JAZF1: variants seen among roughly 807,000 people sequenced by gnomAD.
JAZF1 encodes the protein juxtaposed with another zinc finger protein 1.
In JAZF1, 8 loss-of-function variants were observed where a neutral mutation model predicts 26.4. The ratio of observed to expected loss-of-function variants is 0.30; its 90% CI spans 0.18 to 0.55. The LOEUF (loss-of-function observed/expected upper bound fraction) is 0.55, where lower values mean the gene tolerates loss of function less well. Among genes scored for constraint, JAZF1 ranks in the 20% least tolerant of loss-of-function variants. JAZF1 has a pLI of 0.94. For synonymous variants in JAZF1, 126 were observed against 122.3 expected (o/e 1.03, Z -0.20); for missense variants, 199 against 322.0 (o/e 0.62, Z 2.92).
At chr7:28,017,965 G>A (rs190371230) in intron 1 of JAZF1, among the ~76,000 whole-genome samples, 88 of 152,304 alleles carry the variant, frequency 5.8e-4, no homozygotes, top group African/African-American at 2.1e-3. Flanking sequence ...AGTAGAGACA[G>A]GGTTTCACCA....
intron 1 of JAZF1, among the ~76,000 whole-genome samples, chr7:28,088,056 CT>C (rs1406213272): frequency 1.3e-5 from 2 of 152,254 alleles, no homozygotes; most frequent in Admixed American, 6.5e-5. Context: ...CCTTGCCCCC[CT>C]CATACAGATT....
At chr7:28,003,139 C>T (rs1056672631) in intron 1 of JAZF1, among the ~76,000 whole-genome samples, 2 of 151,884 alleles carry the variant, frequency 1.3e-5, no homozygotes, top group African/African-American at 2.4e-5. Flanking sequence ...ACAAAACAAC[C>T]GGAATTCTGG....
intron 2 of JAZF1, among the ~76,000 whole-genome samples, chr7:27,940,708 C>G (rs1243866659): frequency 6.6e-6 from 1 of 152,148 alleles, no homozygotes; most frequent in African/African-American, 2.4e-5. Flanking sequence ...GGGTTTACAC[C>G]AGCGCAGCAG....
chr7:28,010,675 T>A (rs1408610626), intron 1 of JAZF1, among the ~76,000 whole-genome samples: 2 of 152,192 alleles, frequency 1.3e-5, no homozygotes, highest in Non-Finnish European at 1.5e-5. Flanking sequence ...AAAAGATAGA[T>A]TACATTTTAA....
intron 1 of JAZF1, among the ~76,000 whole-genome samples, chr7:27,994,466 A>C (rs1358199481): frequency 3.2e-5 from 2 of 62,720 alleles, no homozygotes; most frequent in Non-Finnish European, 8.0e-5. Flanking sequence ...AAAAAACAAA[A>C]AAAAACACAC....
At chr7:27,971,660 C>T (rs1785377160) in intron 2 of JAZF1, among the ~76,000 whole-genome samples, 1 of 152,044 alleles carries the variant, frequency 6.6e-6, no homozygotes, top group African/African-American at 2.4e-5. Flanking sequence ...CGAGGTGCCG[C>T]ACATAAGGGG....
intron 3 of JAZF1, among the ~76,000 whole-genome samples, chr7:27,867,135 G>T (rs1783486612): frequency 6.6e-6 from 1 of 152,102 alleles, no homozygotes; most frequent in Admixed American, 6.5e-5. Context: ...ATTTATAGAG[G>T]GTACACCTAC....
intron 3 of JAZF1, among the ~76,000 whole-genome samples, chr7:27,882,199 T>C (rs965574583): frequency 2.0e-5 from 3 of 152,070 alleles, no homozygotes; most frequent in African/African-American, 7.2e-5. Flanking sequence ...CAGTACATCA[T>C]GAGATCAGTA....
chr7:27,910,561 G>C (rs1784344356), intron 2 of JAZF1, among the ~76,000 whole-genome samples: 1 of 152,148 alleles, frequency 6.6e-6, no homozygotes, highest in Admixed American at 6.5e-5. Context: ...TTATCCTGCT[G>C]GTTTATTTAG....
chr7:28,003,768 T>A (rs1782650224), intron 1 of JAZF1, among the ~76,000 whole-genome samples: 1 of 152,148 alleles, frequency 6.6e-6, no homozygotes, highest in African/African-American at 2.4e-5. Flanking sequence ...GAAACCTACA[T>A]GCACCGTGAC....
intron 1 of JAZF1, among the ~76,000 whole-genome samples, chr7:28,100,764 T>G (rs1784460128): frequency 8.2e-6 from 1 of 121,358 alleles, no homozygotes; most frequent in East Asian, 5.7e-4. Context: ...GTGCTGAAAT[T>G]CTGAGAAGCA....
At chr7:28,154,430 C>T (rs965687693) in intron 1 of JAZF1, among the ~76,000 whole-genome samples, 17 of 152,184 alleles carry the variant, frequency 1.1e-4, no homozygotes, top group Admixed American at 1.0e-3. Flanking sequence ...TATACAGCCT[C>T]TTCAAGATCC....
chr7:27,839,172 CCTTT>C (rs1450228015), intron 4 of JAZF1, among the ~76,000 whole-genome samples: 1 of 152,216 alleles, frequency 6.6e-6, no homozygotes, highest in Admixed American at 6.5e-5. Flanking sequence ...GCTTGTATTT[CCTTT>C]GTTTTTTGGC....
At chr7:28,089,499 G>A (rs1034453061) in intron 1 of JAZF1, among the ~76,000 whole-genome samples, 56 of 152,208 alleles carry the variant, frequency 3.7e-4, no homozygotes, top group African/African-American at 1.3e-3. Context: ...ACTTAAATAT[G>A]TGGGAGTGGC....
chr7:27,899,811 G>C (rs1395827778), intron 2 of JAZF1, among the ~76,000 whole-genome samples: 1 of 152,160 alleles, frequency 6.6e-6, no homozygotes, highest in African/African-American at 2.4e-5. Context: ...ACTGTGAACT[G>C]AGGTGGTGTG....
At chr7:27,975,588 A>T (rs1020892544) in intron 2 of JAZF1, among the ~76,000 whole-genome samples, 3 of 152,238 alleles carry the variant, frequency 2.0e-5, no homozygotes, top group African/African-American at 7.2e-5. Flanking sequence ...ATGAAAGTAC[A>T]GCAGCTCTTG....
At chr7:28,040,297 C>G (rs562544241) in intron 1 of JAZF1, among the ~76,000 whole-genome samples, 2 of 152,294 alleles carry the variant, frequency 1.3e-5, no homozygotes, top group East Asian at 3.9e-4. Flanking sequence ...ATGTGCCAGG[C>G]AGATACTGCT....
At chr7:27,914,136 T>C (rs1784407247) in intron 2 of JAZF1, among the ~76,000 whole-genome samples, 1 of 152,164 alleles carries the variant, frequency 6.6e-6, no homozygotes, top group Non-Finnish European at 1.5e-5. Flanking sequence ...CTGTTTGCTA[T>C]GTGGGTTGAA....
In JAZF1 at chr7:28,180,636, G is replaced by A. The variant is rs1434509036; in HGVS notation, c.-59C>T. On this transcript the variant is annotated 5_prime_UTR_variant, in exon 1 of 5. Transcript: ENST00000283928. Reference sequence around the variant, plus strand: ...CTGCGAGCGCCGGGCGGGCGAGGGAGGGAGGGAGGCCGGGTGGGGTGAGGA... The same window carrying A: ...CTGCGAGCGCCGGGCGGGCGAGGGAAGGAGGGAGGCCGGGTGGGGTGAGGA... 1.5e-6 allele frequency: 2 copies of A among 1,340,582 alleles called. No individual in the cohort carries two copies. The highest frequency in any genetic ancestry group is 1.2e-5 in the South Asian group (1 of 82,270). The allele number at this position is 1,340,582 out of a possible 1,614,324, so 83.0% of individuals were successfully genotyped here. A position where few individuals can be genotyped will look rare whatever the true frequency, so the allele number is the denominator to read the frequency against.
Sources: gnomAD v4.1 joint callset for allele counts (sites outside exome capture counted in the v4.1 genomes callset) on GRCh38, gnomAD v4.1.1 for gene constraint, MANE v1.5 for transcripts, NCBI Gene and HGNC (gene_info 2026-07-23, HGNC 2026-07-21) for gene names.